The following UNC13C variants were observed in gnomAD, a reference collection of about 807,000 sequenced individuals.
The protein encoded by UNC13C is protein unc-13 homolog C.
Under a neutral mutation model 245.4 loss-of-function variants are expected in UNC13C, and 174 were observed. The observed-to-expected ratio is 0.71, with a 90% CI of 0.63 to 0.80. UNC13C has a LOEUF of 0.80. UNC13C is among the 30% of genes least tolerant of loss of function. UNC13C has a pLI of 0.00. For missense variants in UNC13C, 2,829 were observed against 2,602.9 expected (o/e 1.09, Z -1.89); for synonymous variants, 992 against 895.1 (o/e 1.11, Z -1.93).
intron 2 of UNC13C, among the ~76,000 whole-genome samples, chr15:54,103,434 T>C (rs1176631028): frequency 1.3e-5 from 2 of 152,206 alleles, no homozygotes; most frequent in Non-Finnish European, 2.9e-5. Flanking sequence ...GACAAATGCA[T>C]AGCTGGTCAT....
chr15:54,575,203 T>A (rs952179412), intron 30 of UNC13C, among the ~76,000 whole-genome samples: 36 of 152,126 alleles, frequency 2.4e-4, no homozygotes, highest in African/African-American at 8.2e-4. Context: ...ACCCAGCTAA[T>A]TTTTGTAATT....
intron 4 of UNC13C, among the ~76,000 whole-genome samples, chr15:54,170,234 T>C (rs547747633): frequency 8.5e-5 from 13 of 152,262 alleles, no homozygotes; most frequent in African/African-American, 2.4e-4. Context: ...GAAGCATTTG[T>C]ATATGAGAAA....
At chr15:54,269,542 C>A (rs958666280) in intron 10 of UNC13C, among the ~76,000 whole-genome samples, 1 of 152,030 alleles carries the variant, frequency 6.6e-6, no homozygotes, top group Non-Finnish European at 1.5e-5. Flanking sequence ...CTTGAGAAAT[C>A]AACTGAGTAA....
At chr15:54,530,921 A>T (rs1895710830) in intron 25 of UNC13C, among the ~76,000 whole-genome samples, 1 of 152,148 alleles carries the variant, frequency 6.6e-6, no homozygotes, top group African/African-American at 2.4e-5. Flanking sequence ...GCTATTGAAG[A>T]TTTTTAGCAA....
rs970491382 is a variant in UNC13C, at chr15:54,456,041, G to A, written c.4934-38567G>A. The stretch of plus-strand genomic sequence containing the variant: ...CTTTGATAAATCTTGAGTTGATTTT[G>A]CATAAGATGAGAGATGAAGATCCAG... On this transcript the variant is annotated intron_variant, in intron 19 of 32. Transcript: ENST00000260323. 4.6e-5 allele frequency among the ~76,000 whole-genome samples: 7 copies of A among 152,126 alleles called. No individual in the cohort carries two copies. In the East Asian group the frequency reaches 1.3e-3, roughly 29 times the overall value.
chr15:54,272,642 C>A (rs915286572), intron 10 of UNC13C, among the ~76,000 whole-genome samples: 4 of 151,696 alleles, frequency 2.6e-5, no homozygotes, highest in African/African-American at 4.8e-5. Flanking sequence ...TTTTTCTAAT[C>A]ATTGCCTACA....
intron 1 of UNC13C, among the ~76,000 whole-genome samples, chr15:53,984,756 T>A (rs567805803): frequency 6.6e-6 from 1 of 152,184 alleles, no homozygotes; most frequent in Non-Finnish European, 1.5e-5. Flanking sequence ...TATGCAAAGT[T>A]GGAAATAACA....
chr15:54,394,477 G>T (rs918377609), intron 18 of UNC13C, among the ~76,000 whole-genome samples: 2 of 151,702 alleles, frequency 1.3e-5, no homozygotes, highest in African/African-American at 4.8e-5. Context: ...TCGCATCATG[G>T]GTCCTGGGAA....
intron 10 of UNC13C, among the ~76,000 whole-genome samples, chr15:54,286,234 T>C (rs1596147074): frequency 6.6e-6 from 1 of 152,212 alleles, no homozygotes; most frequent in South Asian, 2.1e-4. Context: ...AATACTATTT[T>C]AAATATTACA....
intron 13 of UNC13C, among the ~76,000 whole-genome samples, chr15:54,302,891 C>G (rs2037624573): frequency 6.6e-6 from 1 of 152,076 alleles, no homozygotes; most frequent in Non-Finnish European, 1.5e-5. Flanking sequence ...TCAAAGTTTA[C>G]TGTTCATAGC....
intron 2 of UNC13C, among the ~76,000 whole-genome samples, chr15:54,099,780 G>A (rs757506466): frequency 2.6e-5 from 4 of 151,922 alleles, no homozygotes; most frequent in Non-Finnish European, 4.4e-5. Context: ...GTAGAAGTGC[G>A]CTTCAATATA....
At chr15:54,473,567 GC>G (rs1892574273) in intron 19 of UNC13C, among the ~76,000 whole-genome samples, 1 of 151,536 alleles carries the variant, frequency 6.6e-6, no homozygotes, top group Non-Finnish European at 1.5e-5. Context: ...CATGAAATCA[GC>G]GATTTTAGCT....
chr15:54,575,704 A>C (rs575330150), intron 30 of UNC13C, among the ~76,000 whole-genome samples: 1 of 152,240 alleles, frequency 6.6e-6, no homozygotes, highest in Non-Finnish European at 1.5e-5. Flanking sequence ...ATTTTAAAAC[A>C]TAGAAGTTAT....
intron 8 of UNC13C, among the ~76,000 whole-genome samples, chr15:54,257,112 T>A (rs2036300074): frequency 1.3e-5 from 2 of 152,172 alleles, no homozygotes; most frequent in Admixed American, 1.3e-4. Flanking sequence ...GTTTTGAAAT[T>A]TTTGGTGTTT....
At chr15:54,035,844 G>A (rs16973989) in intron 2 of UNC13C, among the ~76,000 whole-genome samples, 4,984 of 152,018 alleles carry the variant, frequency 0.033, 271 homozygotes, top group African/African-American at 0.11. Flanking sequence ...AGGTGGGGAG[G>A]TATTGCAACA....
At chr15:53,929,757 C>A in the UNC13C span, among the ~76,000 whole-genome samples, 1 of 152,154 alleles carries the variant, frequency 6.6e-6, no homozygotes, top group Admixed American at 6.5e-5. Context: ...TCTGGCACTG[C>A]ACCCATTGGA....
At chr15:54,449,278 T>C (rs1891020589) in intron 19 of UNC13C, among the ~76,000 whole-genome samples, 1 of 152,170 alleles carries the variant, frequency 6.6e-6, no homozygotes, top group Non-Finnish European at 1.5e-5. Context: ...TCAAGGAGTA[T>C]CTTTGTAGCC....
At chr15:54,315,606 T>C (rs971661769) in intron 13 of UNC13C, among the ~76,000 whole-genome samples, 6 of 151,752 alleles carry the variant, frequency 4.0e-5, no homozygotes, top group African/African-American at 4.8e-5. Flanking sequence ...TCCTTTCTCA[T>C]GGTTTTTGAT....
chr15:54,420,540 A>G (rs1315104498), intron 19 of UNC13C, among the ~76,000 whole-genome samples: 1 of 151,940 alleles, frequency 6.6e-6, no homozygotes, highest in Non-Finnish European at 1.5e-5. Flanking sequence ...AGAGTCAAGG[A>G]TACAGGTGTC....
Sources: gnomAD v4.1 joint callset for allele counts (sites outside exome capture counted in the v4.1 genomes callset) on GRCh38, gnomAD v4.1.1 for gene constraint, MANE v1.5 for transcripts, NCBI Gene and HGNC (gene_info 2026-07-23, HGNC 2026-07-21) for gene names.